The following SULF2 variants were observed in gnomAD, a reference collection of about 807,000 sequenced individuals.
The protein encoded by SULF2 is extracellular sulfatase Sulf-2.
SULF2 carries 52 observed loss-of-function variants against 107.7 expected under a neutral mutation model. That is an observed-to-expected ratio of 0.48 (90% CI 0.39 to 0.61). SULF2 has a LOEUF of 0.61. Among genes scored for constraint, SULF2 ranks in the 20% least tolerant of loss-of-function variants. The probability of loss-of-function intolerance (pLI) is 0.00; values close to 1 mark genes in which losing one functional copy is unlikely to be tolerated. For synonymous variants in SULF2, 460 were observed against 464.3 expected, an observed-to-expected ratio of 0.99 and a Z score of 0.12; for missense variants, 993 against 1,177.3, an observed-to-expected ratio of 0.84 and a Z score of 2.29.
intron 2 of SULF2, among the ~76,000 whole-genome samples, chr20:47,747,831 G>A (rs919026434): frequency 2.0e-5 from 3 of 151,534 alleles, no homozygotes; most frequent in South Asian, 4.2e-4. Flanking sequence ...AGTCATCCCC[G>A]ATTCCTCTTC....
chr20:47,691,733 A>C (rs754539494), intron 4 of SULF2, among the ~76,000 whole-genome samples: 11 of 152,208 alleles, frequency 7.2e-5, no homozygotes, highest in Non-Finnish European at 1.6e-4. Flanking sequence ...CAGCACACAC[A>C]CAAAAAAGGG....
At position 47,658,386 on chromosome 20, in the gene SULF2, T is replaced by C; in HGVS notation, c.2589A>G (p.Gln863=). ...MKRPSSKSLG[Q]LWEGWEG ...CTTAACCTTCCCAGCCTTCCCACAG[T>C]TGTCCCCTAAAGAACAAAACAAACT... The change falls in exon 21 of 21, where the codon CAA becomes CAG. Residue 863 remains glutamine (Q), a synonymous_variant. Coordinates refer to ENST00000688720, the MANE Select transcript of SULF2 (RefSeq NM_001387048.1). 1 of 1,614,222 alleles carries C rather than the reference T, an allele frequency of 6.2e-7. No individual in the cohort carries two copies. The highest frequency in any genetic ancestry group is 8.5e-7 in the Non-Finnish European group (1 of 1,180,018).
chr20:47,729,182 G>A (rs1052290952), intron 3 of SULF2, among the ~76,000 whole-genome samples: 2 of 152,252 alleles, frequency 1.3e-5, no homozygotes, highest in African/African-American at 4.8e-5. Context: ...GTGAGTGGGT[G>A]CATGTCAGGT....
chr20:47,690,391 C>A, intron 4 of SULF2, 96 bp from the exon 5 acceptor site: 1 of 964,674 alleles, frequency 1.0e-6, no homozygotes, highest in Non-Finnish European at 1.4e-6. Flanking sequence ...ACTGGGGACA[C>A]AATAGTGAAC....
At chr20:47,677,269 G>T in intron 8 of SULF2, 135 bp from the exon 9 acceptor site, 1 of 891,046 alleles carries the variant, frequency 1.1e-6, no homozygotes, top group Non-Finnish European at 1.8e-6. Flanking sequence ...TGGTGAGTGT[G>T]CCCAGCTGGG....
At position 47,687,562 on chromosome 20, in the gene SULF2, G is replaced by T. The variant is rs116750794; in HGVS notation, c.737+2564C>A. On this transcript the variant is annotated intron_variant, in intron 5 of 20. Coordinates refer to ENST00000688720, the MANE Select transcript of SULF2 (RefSeq NM_001387048.1). ...CAAAGCCCTTGAAGCCACAATCAGC[G>T]CCCTTTGAAGGGAAGCTCTGAGGGC... 2.0e-5 allele frequency among the ~76,000 whole-genome samples: 3 copies of T among 152,216 alleles called. No homozygotes were observed. In the East Asian group the frequency reaches 5.8e-4, roughly 29 times the overall value.
intron 2 of SULF2, among the ~76,000 whole-genome samples, chr20:47,754,038 C>A (rs957342997): frequency 6.6e-6 from 1 of 152,152 alleles, no homozygotes; most frequent in Non-Finnish European, 1.5e-5. Context: ...GGAAGCAGTT[C>A]CCCTGGGCAT....
At chr20:47,684,388 G>A (rs1369681137) in intron 6 of SULF2, 43 bp downstream of exon 6, 1 of 1,561,448 alleles carries the variant, frequency 6.4e-7, no homozygotes, top group South Asian at 1.2e-5. Flanking sequence ...CTGGCTGGGG[G>A]TTCGGAGCCA....
intron 2 of SULF2, among the ~76,000 whole-genome samples, chr20:47,745,402 AAAAAAAAAATATATATATAT>A (rs2089998379): frequency 1.9e-4 from 5 of 26,840 alleles, no homozygotes; most frequent in African/African-American, 1.0e-3. Context: ...AAAAAAAAAA[AAAAAAAAAATATATATATAT>A]ATATATATAT....
At chr20:47,663,009 G>C (rs549377235) in intron 17 of SULF2, 61 bp downstream of exon 17, 3 of 1,594,472 alleles carry the variant, frequency 1.9e-6, no homozygotes, top group Admixed American at 1.7e-5. Context: ...GTTGGGGGGG[G>C]CCTACCTGGC....
At chr20:47,782,089 T>C (rs2090843078) in intron 1 of SULF2, among the ~76,000 whole-genome samples, 1 of 152,212 alleles carries the variant, frequency 6.6e-6, no homozygotes, top group Non-Finnish European at 1.5e-5. Context: ...GAAAGGAACC[T>C]GATTACTTTA....
intron 2 of SULF2, among the ~76,000 whole-genome samples, chr20:47,743,512 G>A (rs540628293): frequency 7.2e-4 from 109 of 152,268 alleles, no homozygotes; most frequent in African/African-American, 2.5e-3. Flanking sequence ...GCTTCACCAC[G>A]TTGCCCGGGC....
At chr20:47,668,842 C>A (rs1419963060) in intron 11 of SULF2, among the ~76,000 whole-genome samples, 1 of 152,164 alleles carries the variant, frequency 6.6e-6, no homozygotes, top group Non-Finnish European at 1.5e-5. Context: ...CTTCTCACCA[C>A]CCTCGGCCAC....
chr20:47,669,749 A>G (rs140955392), intron 11 of SULF2, among the ~76,000 whole-genome samples: 242 of 151,950 alleles, frequency 1.6e-3, no homozygotes, highest in African/African-American at 5.6e-3. Flanking sequence ...CTGACATTAC[A>G]CTCACATGAG....
chr20:47,730,938 C>T lies in SULF2; in HGVS notation c.415+5765G>A, dbSNP rs114201409. Among the ~76,000 whole-genome samples, 640 of 152,276 alleles carry T rather than the reference C, an allele frequency of 4.2e-3. 3 individuals carry two copies. The highest frequency in any genetic ancestry group is 0.015 in the African/African-American group (605 of 41,556). On this transcript the variant is annotated intron_variant, in intron 3 of 20. Coordinates refer to ENST00000688720, the MANE Select transcript of SULF2 (RefSeq NM_001387048.1). ...GTGATCCACGCTGGGCAAGTTGGCA[C>T]AAACCATGTGCTTTATATGATGATT...
chr20:47,660,724 C>G (rs2087037403), intron 18 of SULF2, among the ~76,000 whole-genome samples: 1 of 152,144 alleles, frequency 6.6e-6, no homozygotes, highest in Non-Finnish European at 1.5e-5. Context: ...CCTCCCACCT[C>G]AGCCTTCCAA....
At chr20:47,662,039 A>G in intron 17 of SULF2, 143 bp from the exon 18 acceptor site, 1 of 852,272 alleles carries the variant, frequency 1.2e-6, no homozygotes, top group Non-Finnish European at 1.6e-6. Context: ...AACTTCTGCA[A>G]GAGCCAGCGT....
chr20:47,765,683 C>T lies in SULF2; in HGVS notation c.-100-8220G>A, dbSNP rs80066781. Among the ~76,000 whole-genome samples the T allele has an allele frequency of 3.4e-4, 52 of 152,236 alleles. 1 individual carries two copies. The East Asian group carries it at 5.2e-3, about 15-fold the overall frequency. Reference sequence around the variant, plus strand: ...TGTTCAGTGATAGGAGAATCCTGCCCGATTACAACAGTAATCCACTCTTCC... The same window carrying T: ...TGTTCAGTGATAGGAGAATCCTGCCTGATTACAACAGTAATCCACTCTTCC... On this transcript the variant is annotated intron_variant, in intron 1 of 20. Transcript: ENST00000688720.
intron 3 of SULF2, among the ~76,000 whole-genome samples, chr20:47,732,675 C>A (rs1039388722): frequency 1.3e-5 from 2 of 152,122 alleles, no homozygotes; most frequent in Non-Finnish European, 2.9e-5. Flanking sequence ...AACCCCGTCT[C>A]TATTAAAAAT....
Sources: gnomAD v4.1 joint callset for allele counts (sites outside exome capture counted in the v4.1 genomes callset) on GRCh38, gnomAD v4.1.1 for gene constraint, MANE v1.5 for transcripts, NCBI Gene and HGNC (gene_info 2026-07-23, HGNC 2026-07-21) for gene names.